Variants in GALNT13 observed in about 807,000 individuals in gnomAD.
GALNT13 encodes the protein UDP-GalNAc:polypeptide N-acetylgalactosaminyltransferase 13.
GALNT13 carries 28 observed loss-of-function variants against 64.2 expected under a neutral mutation model. That is an observed-to-expected ratio of 0.44 (90% CI 0.32 to 0.60). The LOEUF (loss-of-function observed/expected upper bound fraction) is 0.60. GALNT13 is among the 20% of genes least tolerant of loss of function. The pLI, the probability that GALNT13 is intolerant of heterozygous loss-of-function variation, is 0.05. For synonymous variants in GALNT13, 214 were observed against 224.6 expected, an observed-to-expected ratio of 0.95 and a Z score of 0.42; for missense variants, 577 against 669.8, an observed-to-expected ratio of 0.86 and a Z score of 1.53.
At chr2:154,396,728 CTT>C (rs1699072073) in intron 10 of GALNT13, among the ~76,000 whole-genome samples, 3 of 152,062 alleles carry the variant, frequency 2.0e-5, no homozygotes, top group South Asian at 4.1e-4. Context: ...CTAGAAAACT[CTT>C]ATACACTCAG....
the GALNT13 span, among the ~76,000 whole-genome samples, chr2:153,597,478 T>A: frequency 6.6e-6 from 1 of 152,054 alleles, no homozygotes; most frequent in Non-Finnish European, 1.5e-5. Context: ...TTTAAAAAAA[T>A]TCACTCAAAA....
the GALNT13 span, among the ~76,000 whole-genome samples, chr2:153,547,847 C>G: frequency 2.0e-5 from 3 of 152,152 alleles, no homozygotes; most frequent in African/African-American, 7.2e-5. Flanking sequence ...CTTAAAAGCA[C>G]TTACTCTTGA....
intron 12 of GALNT13, among the ~76,000 whole-genome samples, chr2:154,439,796 A>G (rs1701190267): frequency 6.6e-6 from 1 of 152,126 alleles, no homozygotes; most frequent in Non-Finnish European, 1.5e-5. Flanking sequence ...TTTGGGCCTA[A>G]CACTCATACA....
At position 154,041,307 on chromosome 2, in the gene GALNT13, CTG is replaced by C. The variant is rs1698963671; in HGVS notation, c.142+96672_142+96673del. Among the ~76,000 whole-genome samples the C allele has an allele frequency of 1.4e-5, 2 of 140,666 alleles. 1 individual carries two copies. The highest frequency in any genetic ancestry group is 3.3e-5 in the Non-Finnish European group (2 of 61,216). 92.3% of individuals were successfully genotyped at this position (140,666 alleles called of 152,430 possible). A position where few individuals can be genotyped will look rare whatever the true frequency, so the allele number is the denominator to read the frequency against. On this transcript the variant is annotated intron_variant, in intron 3 of 12. Transcript: ENST00000392825. The stretch of plus-strand genomic sequence containing the variant: ...TTATTTTGCTTGTATTCCACAATAA[CTG>C]TGTTATTACTTCCAATCTTTGATTC...
chr2:154,324,101 T>A (rs986399822), intron 9 of GALNT13, among the ~76,000 whole-genome samples: 1 of 152,114 alleles, frequency 6.6e-6, no homozygotes. Flanking sequence ...TATCTCTACC[T>A]ACTCCACTCT....
chr2:153,828,543 G>T, the GALNT13 span, among the ~76,000 whole-genome samples: 1 of 151,910 alleles, frequency 6.6e-6, no homozygotes, highest in Admixed American at 6.6e-5. Context: ...TGGGACACGG[G>T]GTACAAAGTC....
chr2:154,375,557 G>A (rs1457446329), intron 9 of GALNT13, among the ~76,000 whole-genome samples: 1 of 151,978 alleles, frequency 6.6e-6, no homozygotes, highest in Non-Finnish European at 1.5e-5. Flanking sequence ...CTGAAAAAGG[G>A]CAACAAGAAC....
At chr2:153,410,534 C>T in the GALNT13 span, among the ~76,000 whole-genome samples, 414 of 152,198 alleles carry the variant, frequency 2.7e-3, 17 homozygotes, top group East Asian at 0.073. Flanking sequence ...TTCAAACAAT[C>T]AACAGACAAT....
At chr2:153,098,745 G>A in the GALNT13 span, among the ~76,000 whole-genome samples, 1 of 152,082 alleles carries the variant, frequency 6.6e-6, no homozygotes. Context: ...TCCTGAACAT[G>A]TTTCTCAGGG....
At chr2:153,565,386 A>G in the GALNT13 span, among the ~76,000 whole-genome samples, 1 of 151,706 alleles carries the variant, frequency 6.6e-6, no homozygotes, top group Non-Finnish European at 1.5e-5. Flanking sequence ...TAGAATTAAC[A>G]TTTCTGGGTG....
At chr2:154,207,056 G>C (rs1242784264) in intron 4 of GALNT13, among the ~76,000 whole-genome samples, 1 of 152,050 alleles carries the variant, frequency 6.6e-6, no homozygotes, top group East Asian at 1.9e-4. Flanking sequence ...ACTGCTACCA[G>C]AGATGATTAA....
chr2:153,075,893 CT>C, the GALNT13 span, among the ~76,000 whole-genome samples: 3 of 151,630 alleles, frequency 2.0e-5, no homozygotes, highest in Admixed American at 6.6e-5. Context: ...CTCTACCTTG[CT>C]TTTTTTTAAC....
chr2:153,878,767 G>A (rs781618860), intron 1 of GALNT13, among the ~76,000 whole-genome samples: 1 of 152,162 alleles, frequency 6.6e-6, no homozygotes, highest in Non-Finnish European at 1.5e-5. Context: ...TTGCCTTGGC[G>A]AAAGTGAAGC....
chr2:153,187,609 C>T, the GALNT13 span: 1 of 152,062 alleles, frequency 6.6e-6, no homozygotes, highest in South Asian at 2.1e-4. Context: ...ATGAGACCTC[C>T]TATTCTATAA....
chr2:154,001,518 C>T (rs1695908854), intron 3 of GALNT13, among the ~76,000 whole-genome samples: 1 of 152,038 alleles, frequency 6.6e-6, no homozygotes, highest in East Asian at 1.9e-4. Flanking sequence ...ACCATCTTAA[C>T]TTTAATTGCA....
intron 3 of GALNT13, among the ~76,000 whole-genome samples, chr2:154,028,002 C>A (rs927853361): frequency 6.6e-6 from 1 of 152,064 alleles, no homozygotes; most frequent in African/African-American, 2.4e-5. Flanking sequence ...ACAATTTTGG[C>A]TTTTGCTCTC....
At chr2:153,542,668 A>G in the GALNT13 span, among the ~76,000 whole-genome samples, 1 of 152,174 alleles carries the variant, frequency 6.6e-6, no homozygotes, top group African/African-American at 2.4e-5. Context: ...GATATGAAGG[A>G]TGGGGGATTC....
chr2:153,583,337 G>A, the GALNT13 span, among the ~76,000 whole-genome samples: 1 of 152,212 alleles, frequency 6.6e-6, no homozygotes, highest in African/African-American at 2.4e-5. Flanking sequence ...TCTTTTCCAA[G>A]ATGGTTGACT....
At chr2:153,248,963 C>CACAAGACAAGACAAGAA in the GALNT13 span, among the ~76,000 whole-genome samples, 8 of 152,014 alleles carry the variant, frequency 5.3e-5, no homozygotes, top group African/African-American at 1.9e-4. Flanking sequence ...CCCTTGAAAA[C>CACAAGACAAGACAAGAA]TGGCACAAGA....
Sources: gnomAD v4.1 joint callset for allele counts (sites outside exome capture counted in the v4.1 genomes callset) on GRCh38, gnomAD v4.1.1 for gene constraint, MANE v1.5 for transcripts, NCBI Gene and HGNC (gene_info 2026-07-23, HGNC 2026-07-21) for gene names.